LAMA2: variants seen among roughly 807,000 people sequenced by gnomAD.
LAMA2 encodes the protein laminin subunit alpha 2, also known as laminin subunit alpha-2.
In LAMA2, 269 loss-of-function variants were observed where a neutral mutation model predicts 364.8. That is an observed-to-expected ratio of 0.74 (90% CI 0.67 to 0.82). LAMA2 has a LOEUF of 0.82. Among genes scored for constraint, LAMA2 ranks in the 40% least tolerant of loss-of-function variants. LAMA2 has a pLI of 0.00. For synonymous variants in LAMA2, 1,379 were observed against 1,370.6 expected (o/e 1.01, Z -0.14); for missense variants, 3,807 against 3,873.2 (o/e 0.98, Z 0.45).
At chr6:129,067,894 C>T (rs182319485) in intron 3 of LAMA2, among the ~76,000 whole-genome samples, 140 of 152,324 alleles carry the variant, frequency 9.2e-4, no homozygotes, top group Non-Finnish European at 1.5e-3. Context: ...TCCTTGACAA[C>T]TCTATTTAAA....
At chr6:129,096,845 A>G (rs1192575637) in intron 3 of LAMA2, among the ~76,000 whole-genome samples, 1 of 152,212 alleles carries the variant, frequency 6.6e-6, no homozygotes, top group Admixed American at 6.5e-5. Flanking sequence ...GCATGCATTC[A>G]AGTAAACATC....
chr6:128,936,551 A>G (rs904230106), intron 1 of LAMA2, among the ~76,000 whole-genome samples: 1 of 152,158 alleles, frequency 6.6e-6, no homozygotes, highest in African/African-American at 2.4e-5. Context: ...TGACACCTAC[A>G]TATAGTATGC....
At chr6:129,115,451 T>C (rs999246901) in intron 4 of LAMA2, among the ~76,000 whole-genome samples, 2 of 152,108 alleles carry the variant, frequency 1.3e-5, no homozygotes, top group African/African-American at 4.8e-5. Flanking sequence ...CGGATGCATA[T>C]AGAATACTTC....
At chr6:129,056,897 ATTT>A (rs11321173) in intron 2 of LAMA2, among the ~76,000 whole-genome samples, 4 of 141,270 alleles carry the variant, frequency 2.8e-5, no homozygotes, top group Non-Finnish European at 3.1e-5. Flanking sequence ...TGCCTGTGCT[ATTT>A]TTTTTTTTTT....
chr6:129,312,407 A>G (rs1434378878), intron 22 of LAMA2, among the ~76,000 whole-genome samples: 1 of 152,160 alleles, frequency 6.6e-6, no homozygotes, highest in East Asian at 1.9e-4. Flanking sequence ...TTCTCCTATT[A>G]TATAATGCTT....
intron 18 of LAMA2, among the ~76,000 whole-genome samples, chr6:129,285,741 CCTT>C (rs1222831755): frequency 2.0e-5 from 3 of 152,124 alleles, no homozygotes; most frequent in East Asian, 3.9e-4. Flanking sequence ...AAAAGAATCT[CCTT>C]CTTATCTTTA....
intron 22 of LAMA2, among the ~76,000 whole-genome samples, chr6:129,309,288 C>T (rs1484635233): frequency 6.6e-6 from 1 of 152,134 alleles, no homozygotes; most frequent in African/African-American, 2.4e-5. Context: ...ACAAATATTA[C>T]CTCTATTTAT....
At chr6:129,033,855 C>A (rs1166655580) in intron 1 of LAMA2, among the ~76,000 whole-genome samples, 3 of 151,060 alleles carry the variant, frequency 2.0e-5, no homozygotes, top group Admixed American at 1.3e-4. Flanking sequence ...TTTTGGGTAC[C>A]CTTATGCTGG....
At chr6:129,022,942 C>T (rs528417707) in intron 1 of LAMA2, among the ~76,000 whole-genome samples, 1 of 152,290 alleles carries the variant, frequency 6.6e-6, no homozygotes, top group East Asian at 1.9e-4. Context: ...CTCCACCCTC[C>T]ACCCGTTATA....
Position 129,267,092 on chromosome 6 carries a change from T to G in LAMA2, c.2209-14T>G. 1 of 1,532,874 alleles carries G rather than the reference T, an allele frequency of 6.5e-7. No homozygotes were observed. Among genetic ancestry groups the G allele is most frequent in the South Asian group, 1.1e-5 (1 of 89,484 alleles). 95.0% of individuals were successfully genotyped at this position (1,532,874 alleles called of 1,614,324 possible). On this transcript the variant is annotated splice_polypyrimidine_tract_variant and intron_variant, in intron 15 of 64. Coordinates refer to ENST00000421865, the MANE Select transcript of LAMA2 (RefSeq NM_000426.4). Reference sequence around the variant, plus strand: ...TAATCTCCAAGACTGACTAAAGCCTTATCTTTCTCTCAGTCTTGTTGGCCT... The same window carrying G: ...TAATCTCCAAGACTGACTAAAGCCTGATCTTTCTCTCAGTCTTGTTGGCCT...
At chr6:128,929,535 T>C (rs1198587502) in intron 1 of LAMA2, 5 of 936,980 alleles carry the variant, frequency 5.3e-6, no homozygotes, top group South Asian at 1.3e-5. Flanking sequence ...GTAGAGAAAC[T>C]CCTGAGCGAC....
intron 3 of LAMA2, among the ~76,000 whole-genome samples, chr6:129,085,259 C>CT (rs1774307033): frequency 6.6e-6 from 1 of 152,140 alleles, no homozygotes; most frequent in Admixed American, 6.5e-5. Context: ...TGTCTATAGA[C>CT]TTTTCTAGTG....
At chr6:129,120,238 AATAAG>A (rs1403844304) in intron 4 of LAMA2, among the ~76,000 whole-genome samples, 2 of 152,244 alleles carry the variant, frequency 1.3e-5, no homozygotes, top group African/African-American at 2.4e-5. Flanking sequence ...TCATCAACAC[AATAAG>A]ATAAGGCTAA....
chr6:129,215,037 A>C (rs1471450148), intron 12 of LAMA2, among the ~76,000 whole-genome samples: 1 of 152,082 alleles, frequency 6.6e-6, no homozygotes, highest in Non-Finnish European at 1.5e-5. Context: ...TGCTAGTATA[A>C]ATGGTCTTGT....
In LAMA2 at chr6:129,059,808, T is replaced by C. The variant is rs2114795462; in HGVS notation, c.308T>C (p.Ile103Thr). ...GAGAGACACCCGATTACAAATGCTATTGATGGAAAGAACACTTGGTGGCAG... is the reference window on the plus strand; with the variant it reads ...GAGAGACACCCGATTACAAATGCTACTGATGGAAAGAACACTTGGTGGCAG... ...PNQRHPITNA[I>T]DGKNTWWQSP... Residue 103 changes from isoleucine to threonine, a missense_variant, in exon 3 of 65, where the codon ATT becomes ACT. Ile to Thr is a moderately conservative substitution (Grantham distance 89, BLOSUM62 -1). This residue lies in a region of LAMA2 where 394 missense variants were observed against 403.5 expected (regional missense o/e 0.98). Coordinates refer to ENST00000421865, the MANE Select transcript of LAMA2 (RefSeq NM_000426.4). The C allele has an allele frequency of 6.2e-7, 1 of 1,608,592 alleles. No homozygotes were observed. The highest frequency in any genetic ancestry group is 1.1e-5 in the South Asian group (1 of 90,964).
intron 27 of LAMA2, among the ~76,000 whole-genome samples, chr6:129,318,863 T>G (rs920077244): frequency 2.6e-5 from 4 of 152,232 alleles, no homozygotes; most frequent in Non-Finnish European, 5.9e-5. Flanking sequence ...TGGAGGTAAC[T>G]TTTATTTGAA....
At chr6:129,301,246 G>A (rs1205824473) in intron 22 of LAMA2, among the ~76,000 whole-genome samples, 1 of 152,088 alleles carries the variant, frequency 6.6e-6, no homozygotes, top group Admixed American at 6.6e-5. Flanking sequence ...ATTATGACTA[G>A]GTTTTAGGTT....
At chr6:129,253,117 T>C (rs528649454) in intron 14 of LAMA2, among the ~76,000 whole-genome samples, 1 of 152,304 alleles carries the variant, frequency 6.6e-6, no homozygotes, top group South Asian at 2.1e-4. Flanking sequence ...GCGGCTTTGT[T>C]TTTTTTATTT....
intron 3 of LAMA2, among the ~76,000 whole-genome samples, chr6:129,076,088 A>G (rs1019163558): frequency 2.7e-4 from 41 of 152,190 alleles, no homozygotes; most frequent in African/African-American, 9.9e-4. Flanking sequence ...GCTGTCTCAA[A>G]ACAAAACAAA....
Sources: gnomAD v4.1 joint callset for allele counts (sites outside exome capture counted in the v4.1 genomes callset) on GRCh38, gnomAD v4.1.1 for gene constraint, gnomAD v4.1.1 regional missense constraint, MANE v1.5 for transcripts, NCBI Gene and HGNC (gene_info 2026-07-23, HGNC 2026-07-21) for gene names.